The following YAE1 variants were observed in gnomAD, a reference collection of about 807,000 sequenced individuals.
The protein encoded by YAE1 is protein YAE1 homolog.
YAE1 carries 22 observed loss-of-function variants against 23.0 expected under a neutral mutation model. The observed-to-expected ratio is 0.96, with a 90% CI of 0.68 to 1.37. The LOEUF is 1.37. YAE1 is among the 40% of genes most tolerant of loss of function. YAE1 has a pLI of 0.00. For synonymous variants in YAE1, 101 were observed against 97.0 expected, an observed-to-expected ratio of 1.04 and a Z score of -0.24; for missense variants, 260 against 262.1, an observed-to-expected ratio of 0.99 and a Z score of 0.06.
intron 2 of YAE1, among the ~76,000 whole-genome samples, chr7:39,584,421 C>G (rs1215648974): frequency 6.6e-6 from 1 of 152,038 alleles, no homozygotes; most frequent in Non-Finnish European, 1.5e-5. Flanking sequence ...CTTTCAAATG[C>G]CCCAGGAGAT....
chr7:39,589,886 A>ATGAT (rs1790877176), intron 2 of YAE1, among the ~76,000 whole-genome samples: 1 of 152,224 alleles, frequency 6.6e-6, no homozygotes, highest in Non-Finnish European at 1.5e-5. Flanking sequence ...CGGTAGACAG[A>ATGAT]TGATAAGGTC....
Position 39,572,652 on chromosome 7 carries a change from A to C in YAE1, c.627A>C (p.Leu209Phe). The C allele has an allele frequency of 6.2e-7, 1 of 1,613,426 alleles. No individual in the cohort carries two copies. Reference sequence around the variant, plus strand: ...GGATTTTGGAACAGACAGCCAGTTTAGTTAAACAGCTGGGCCTATCAGTAG... The same window carrying C: ...GGATTTTGGAACAGACAGCCAGTTTCGTTAAACAGCTGGGCCTATCAGTAG... The part of the protein sequence containing the change: ...PTWILEQTAS[L>F]VKQLGLSVDV... Residue 209 changes from leucine to phenylalanine, a missense_variant, in exon 3 of 3, where the codon TTA becomes TTC. Coordinates refer to ENST00000223273, the MANE Select transcript of YAE1 (RefSeq NM_020192.5).
intron 2 of YAE1, among the ~76,000 whole-genome samples, chr7:39,587,126 G>T (rs896295920): frequency 1.3e-5 from 2 of 150,932 alleles, no homozygotes; most frequent in Non-Finnish European, 2.9e-5. Context: ...GTGTGATCTT[G>T]GCTCACTGCA....
At chr7:39,591,364 T>C (rs1231702783) in intron 2 of YAE1, among the ~76,000 whole-genome samples, 1 of 152,230 alleles carries the variant, frequency 6.6e-6, no homozygotes, top group Non-Finnish European at 1.5e-5. Context: ...AGGATACTGT[T>C]CGACACATAG....
chr7:39,607,126 A>C (rs139580295), intron 2 of YAE1, among the ~76,000 whole-genome samples: 2 of 151,964 alleles, frequency 1.3e-5, no homozygotes, highest in Non-Finnish European at 2.9e-5. Context: ...TTCATCTCCA[A>C]ATCATGAGGT....
intron 2 of YAE1, among the ~76,000 whole-genome samples, chr7:39,582,169 C>G (rs1444270520): frequency 1.3e-5 from 2 of 151,838 alleles, no homozygotes; most frequent in Admixed American, 6.6e-5. Flanking sequence ...TAGGACTATA[C>G]CATGCCGGGC....
chr7:39,608,251 A>G (rs1267253072), intron 2 of YAE1, among the ~76,000 whole-genome samples: 1 of 152,248 alleles, frequency 6.6e-6, no homozygotes, highest in Admixed American at 6.5e-5. Context: ...AAAGCCTTTC[A>G]ATAATTTATT....
At chr7:39,584,587 T>G (rs967674022) in intron 2 of YAE1, among the ~76,000 whole-genome samples, 1 of 152,108 alleles carries the variant, frequency 6.6e-6, no homozygotes, top group African/African-American at 2.4e-5. Flanking sequence ...TTGACTCCTG[T>G]GGGGATGGCA....
At chr7:39,575,577 A>AGAGAGAGAGAGAGAGAGAGTGTGT (rs1173016799), downstream of YAE1, among the ~76,000 whole-genome samples, 141 of 80,236 alleles carry the variant, frequency 1.8e-3, 4 homozygotes, top group East Asian at 0.036. Context: ...AGAGAGAGAG[A>AGAGAGAGAGAGAGAGAGAGTGTGT]GTGAGTGTGT....
chr7:39,598,099 C>T (rs1791003270), intron 2 of YAE1, among the ~76,000 whole-genome samples: 2 of 151,888 alleles, frequency 1.3e-5, no homozygotes, highest in South Asian at 4.2e-4. Flanking sequence ...CATGAGCCAC[C>T]ATGCCCTGCC....
intron 2 of YAE1, among the ~76,000 whole-genome samples, chr7:39,605,928 G>T (rs1791123812): frequency 6.6e-6 from 1 of 151,844 alleles, no homozygotes; most frequent in Non-Finnish European, 1.5e-5. Context: ...TTCATCATCA[G>T]AGTTCTTTTT....
At chr7:39,610,645 C>T (rs987521529), downstream of YAE1, among the ~76,000 whole-genome samples, 1 of 152,110 alleles carries the variant, frequency 6.6e-6, no homozygotes, top group African/African-American at 2.4e-5. Context: ...TGTACATGTA[C>T]TTTAGATTAT....
chr7:39,607,928 C>CA (rs1399335830), intron 2 of YAE1, among the ~76,000 whole-genome samples: 2 of 152,200 alleles, frequency 1.3e-5, no homozygotes, highest in Non-Finnish European at 2.9e-5. Context: ...CTTGGCCTCC[C>CA]AAAGTGTTGG....
chr7:39,570,066 C>G, intron 1 of YAE1: 2 of 1,237,364 alleles, frequency 1.6e-6, no homozygotes, highest in Non-Finnish European at 2.3e-6. Context: ...ATCCAGCCTC[C>G]TTCCAGCAGC....
At chr7:39,610,226 A>G in exon 3 of YAE1, 1 of 590,556 alleles carries the variant, frequency 1.7e-6, no homozygotes, top group Non-Finnish European at 3.0e-6. Flanking sequence ...TGAAATTCAC[A>G]CATGAGCAGA....
chr7:39,593,177 C>CTTTTTTTTTTTTTTTTTTTTTTT lies in YAE1; in HGVS notation c.252-16437_252-16415dup, dbSNP rs56303591. ...CTCTATAATTTCCATTTGGTTATTTCTTTTTTTTTTTTTTTTTTTTTTTTT... is the reference window on the plus strand; with the variant it reads ...CTCTATAATTTCCATTTGGTTATTTCTTTTTTTTTTTTTTTTTTTTTTTTTTTTTTTTTTTTTTTTTTTTTTTT... On this transcript the variant is annotated intron_variant, in intron 2 of 2. Transcript: ENST00000432096. Among the ~76,000 whole-genome samples the CTTTTTTTTTTTTTTTTTTTTTTT allele has an allele frequency of 5.5e-5, 4 of 72,112 alleles. 1 individual carries two copies. The highest frequency in any genetic ancestry group is 2.6e-4 in the Admixed American group (1 of 3,920). The allele number at this position is 72,112 out of a possible 152,430, so 47.3% of individuals were successfully genotyped here. A position where few individuals can be genotyped will look rare whatever the true frequency, so the allele number is the denominator to read the frequency against.
chr7:39,593,665 CCAG>C (rs1226817628), intron 2 of YAE1, among the ~76,000 whole-genome samples: 1 of 152,102 alleles, frequency 6.6e-6, no homozygotes. Flanking sequence ...GCCACATTGC[CCAG>C]TCTGGTCTCA....
At chr7:39,589,424 C>G (rs1347812910) in intron 2 of YAE1, among the ~76,000 whole-genome samples, 3 of 152,002 alleles carry the variant, frequency 2.0e-5, no homozygotes, top group Non-Finnish European at 4.4e-5. Flanking sequence ...TGCACCACCA[C>G]GCCTGGCTAA....
intron 2 of YAE1, among the ~76,000 whole-genome samples, chr7:39,595,573 G>C (rs570420772): frequency 1.3e-5 from 2 of 152,258 alleles, no homozygotes; most frequent in Admixed American, 1.3e-4. Flanking sequence ...ATTTTATTAA[G>C]ATATAATTTA....
Sources: gnomAD v4.1 joint callset for allele counts (sites outside exome capture counted in the v4.1 genomes callset) on GRCh38, gnomAD v4.1.1 for gene constraint, MANE v1.5 for transcripts, NCBI Gene and HGNC (gene_info 2026-07-23, HGNC 2026-07-21) for gene names.